The following LRRC4C variants were observed in gnomAD, a reference collection of about 807,000 sequenced individuals.
The protein encoded by LRRC4C is leucine rich repeat containing 4C, also known as leucine-rich repeat-containing protein 4C.
LRRC4C carries 5 observed loss-of-function variants against 33.6 expected under a neutral mutation model. The observed-to-expected ratio is 0.15, with a 90% CI of 0.08 to 0.31. The LOEUF (loss-of-function observed/expected upper bound fraction) is 0.31. Among genes scored for constraint, LRRC4C ranks in the 10% least tolerant of loss-of-function variants. The pLI is 1.00. For synonymous variants in LRRC4C, 329 were observed against 302.0 expected, an observed-to-expected ratio of 1.09 and a Z score of -0.93; for missense variants, 560 against 796.7, an observed-to-expected ratio of 0.70 and a Z score of 3.58.
intron 1 of LRRC4C, among the ~76,000 whole-genome samples, chr11:41,438,226 T>G (rs1360535095): frequency 6.6e-6 from 1 of 151,996 alleles, no homozygotes. Flanking sequence ...TATTGTGTGG[T>G]CTTCATATCA....
At chr11:40,279,594 T>G in intron 4 of LRRC4C, among the ~76,000 whole-genome samples, 1 of 152,228 alleles carries the variant, frequency 6.6e-6, no homozygotes, top group East Asian at 1.9e-4. Flanking sequence ...CTAAAAGTTC[T>G]ATGTGAATTA....
chr11:41,293,505 C>T (rs1950048510), intron 1 of LRRC4C, among the ~76,000 whole-genome samples: 2 of 152,060 alleles, frequency 1.3e-5, no homozygotes, highest in South Asian at 4.1e-4. Context: ...AGGTTAATAT[C>T]ACACACTTTT....
At chr11:40,470,431 A>T (rs953021367) in intron 3 of LRRC4C, among the ~76,000 whole-genome samples, 5 of 152,290 alleles carry the variant, frequency 3.3e-5, no homozygotes, top group Admixed American at 6.5e-5. Context: ...ATGAGAAAAA[A>T]CCAGCTCAAA....
chr11:40,228,900 T>G (rs1864998887), intron 5 of LRRC4C, among the ~76,000 whole-genome samples: 1 of 152,232 alleles, frequency 6.6e-6, no homozygotes, highest in Non-Finnish European at 1.5e-5. Context: ...AACCTAATTT[T>G]AGCTAAGGAC....
At chr11:40,389,932 C>T (rs1316396636) in intron 3 of LRRC4C, among the ~76,000 whole-genome samples, 1 of 152,036 alleles carries the variant, frequency 6.6e-6, no homozygotes, top group East Asian at 1.9e-4. Context: ...GAATTCCAGG[C>T]TTATAGAGTG....
intron 3 of LRRC4C, among the ~76,000 whole-genome samples, chr11:40,639,163 GA>G (rs57730547): frequency 0.26 from 36,667 of 141,632 alleles, 5,130 homozygotes; most frequent in African/African-American, 0.41. Flanking sequence ...TAAGGTTGTT[GA>G]AAAAAAAAAA....
chr11:40,225,464 T>C lies in LRRC4C; in HGVS notation c.-96+16055A>G, dbSNP rs572695213. 3.9e-5 allele frequency among the ~76,000 whole-genome samples: 6 copies of C among 152,304 alleles called. No homozygotes were observed. The South Asian group carries it at 1.2e-3, about 32-fold the overall frequency. The stretch of plus-strand genomic sequence containing the variant: ...TATATGTGAGGTAAGTATGGTAATA[T>C]CTGGAAGTGTGACTATCATATTTGA... On this transcript the variant is annotated intron_variant, in intron 5 of 6. Coordinates refer to ENST00000528697, the MANE Select transcript of LRRC4C (RefSeq NM_001258419.2).
intron 3 of LRRC4C, among the ~76,000 whole-genome samples, chr11:40,322,442 T>C (rs1031887712): frequency 1.3e-5 from 2 of 152,004 alleles, no homozygotes; most frequent in Non-Finnish European, 2.9e-5. Flanking sequence ...GATGGGGTGT[T>C]GCCATGTTGG....
At chr11:41,288,991 A>C (rs968138730) in intron 1 of LRRC4C, among the ~76,000 whole-genome samples, 1 of 152,096 alleles carries the variant, frequency 6.6e-6, no homozygotes, top group Non-Finnish European at 1.5e-5. Context: ...AGTAACTCAA[A>C]ATCAATTGAC....
chr11:40,393,609 A>G (rs1949421781), intron 3 of LRRC4C, among the ~76,000 whole-genome samples: 1 of 152,152 alleles, frequency 6.6e-6, no homozygotes, highest in South Asian at 2.1e-4. Context: ...ACTTCGGAAT[A>G]TGTGAACATT....
intron 2 of LRRC4C, among the ~76,000 whole-genome samples, chr11:40,894,411 C>T (rs1360445122): frequency 2.6e-5 from 4 of 152,102 alleles, no homozygotes; most frequent in East Asian, 1.9e-4. Flanking sequence ...CGGGAGTCTA[C>T]ACTGTGGCCA....
chr11:41,038,560 T>C (rs1857235514), intron 1 of LRRC4C, among the ~76,000 whole-genome samples: 2 of 152,294 alleles, frequency 1.3e-5, no homozygotes, highest in South Asian at 4.1e-4. Context: ...TCATGTACTC[T>C]ACAAGATGAA....
intron 5 of LRRC4C, among the ~76,000 whole-genome samples, chr11:40,165,800 C>T (rs1441929139): frequency 6.6e-6 from 1 of 152,092 alleles, no homozygotes; most frequent in Non-Finnish European, 1.5e-5. Flanking sequence ...ACAAAATTAG[C>T]CGGGCGTGGT....
rs11036365 is a variant in LRRC4C, at chr11:41,346,664, G to C, written c.-496+112767C>G. Reference sequence around the variant, plus strand: ...AAAAAGTCTGCAAAATACTGCAAATGCACTCCCCTATTAGAATTTCACAAG... The same window carrying C: ...AAAAAGTCTGCAAAATACTGCAAATCCACTCCCCTATTAGAATTTCACAAG... On this transcript the variant is annotated intron_variant, in intron 1 of 6. Coordinates refer to ENST00000528697, the MANE Select transcript of LRRC4C (RefSeq NM_001258419.2). Among the ~76,000 whole-genome samples, 1,987 of 152,250 alleles carry C rather than the reference G, an allele frequency of 0.013. 83 individuals are homozygous for C. In the East Asian group the frequency reaches 0.16, roughly 13 times the overall value.
At position 40,415,569 on chromosome 11, in the gene LRRC4C, A is replaced by G. The variant is rs139698780; in HGVS notation, c.-269-95848T>C. 3.8e-4 allele frequency among the ~76,000 whole-genome samples: 58 copies of G among 152,286 alleles called. No individual in the cohort carries two copies. In the East Asian group the frequency reaches 0.011, roughly 28 times the overall value. ...GTAAACTAGCGTACTGATGGGCCTT[A>G]GAGGCAACACCTTATGTTCTAACCA... On this transcript the variant is annotated intron_variant, in intron 3 of 6. Transcript: ENST00000528697.
intron 3 of LRRC4C, among the ~76,000 whole-genome samples, chr11:40,454,280 T>C (rs1030642888): frequency 1.3e-5 from 2 of 152,100 alleles, no homozygotes; most frequent in Admixed American, 6.6e-5. Flanking sequence ...TCAGAAAAGA[T>C]TGAATAATAT....
At chr11:40,767,264 C>A (rs1949520676) in intron 2 of LRRC4C, among the ~76,000 whole-genome samples, 1 of 151,916 alleles carries the variant, frequency 6.6e-6, no homozygotes, top group African/African-American at 2.4e-5. Flanking sequence ...GTCAATTCAG[C>A]AAAATAGTAT....
At chr11:40,902,130 T>C (rs1956236861) in intron 2 of LRRC4C, among the ~76,000 whole-genome samples, 1 of 152,016 alleles carries the variant, frequency 6.6e-6, no homozygotes, top group Non-Finnish European at 1.5e-5. Context: ...TGTGGCAACC[T>C]TGCATTGAAC....
At chr11:40,796,663 T>A (rs1262196396) in intron 2 of LRRC4C, among the ~76,000 whole-genome samples, 1 of 134,214 alleles carries the variant, frequency 7.5e-6, no homozygotes, top group Non-Finnish European at 1.5e-5. Context: ...TTTTTTTATT[T>A]TGAGACAGAG....
Sources: gnomAD v4.1 joint callset for allele counts (sites outside exome capture counted in the v4.1 genomes callset) on GRCh38, gnomAD v4.1.1 for gene constraint, MANE v1.5 for transcripts, NCBI Gene and HGNC (gene_info 2026-07-23, HGNC 2026-07-21) for gene names.